AGBL4: variants seen among roughly 807,000 people sequenced by gnomAD.
The protein encoded by AGBL4 is cytosolic carboxypeptidase 6.
In AGBL4, 58 loss-of-function variants were observed where a neutral mutation model predicts 66.4. That is an observed-to-expected ratio of 0.87 (90% confidence interval 0.71 to 1.09). The LOEUF is 1.09. Ranked by LOEUF, AGBL4 falls within the 50% of genes least tolerant of loss-of-function variation. AGBL4 has a pLI of 0.00. For synonymous variants in AGBL4, 234 were observed against 222.9 expected (o/e 1.05, Z -0.44); for missense variants, 579 against 631.0 (o/e 0.92, Z 0.88).
At chr1:48,597,416 T>G (rs886926556) in intron 9 of AGBL4, among the ~76,000 whole-genome samples, 3 of 152,024 alleles carry the variant, frequency 2.0e-5, no homozygotes, top group African/African-American at 7.3e-5. Flanking sequence ...TGAAACATGC[T>G]AGAAATGCAC....
intron 4 of AGBL4, among the ~76,000 whole-genome samples, chr1:49,152,172 G>A (rs1412724405): frequency 6.6e-6 from 1 of 152,146 alleles, no homozygotes; most frequent in Non-Finnish European, 1.5e-5. Context: ...GCTGTAGACA[G>A]CACCATGTCT....
At chr1:49,080,461 G>C (rs549623148) in intron 4 of AGBL4, among the ~76,000 whole-genome samples, 1 of 152,270 alleles carries the variant, frequency 6.6e-6, no homozygotes, top group South Asian at 2.1e-4. Context: ...CTGATCCCCA[G>C]TGAGGGAAAT....
chr1:49,587,089 C>T (rs769765923), intron 3 of AGBL4, among the ~76,000 whole-genome samples: 1 of 151,802 alleles, frequency 6.6e-6, no homozygotes, highest in Non-Finnish European at 1.5e-5. Context: ...GATAAAAATA[C>T]AAAAAAATTA....
chr1:48,980,718 AATATATAT>A (rs544711494), intron 5 of AGBL4, among the ~76,000 whole-genome samples: 36 of 92,292 alleles, frequency 3.9e-4, no homozygotes, highest in African/African-American at 7.4e-4. Flanking sequence ...GTAAAGAAGA[AATATATAT>A]ATATATATAT....
At chr1:49,721,664 G>A (rs1648621885) in intron 2 of AGBL4, among the ~76,000 whole-genome samples, 1 of 152,106 alleles carries the variant, frequency 6.6e-6, no homozygotes, top group Non-Finnish European at 1.5e-5. Flanking sequence ...TAAAAAGCTT[G>A]AAATAGGAGC....
chr1:49,579,651 C>T (rs184007652), intron 3 of AGBL4, among the ~76,000 whole-genome samples: 10 of 152,224 alleles, frequency 6.6e-5, no homozygotes, highest in Admixed American at 6.5e-4. Flanking sequence ...AGGCGCCTGT[C>T]ACCGTGCCCA....
chr1:49,652,739 C>A (rs1304117815), intron 3 of AGBL4, among the ~76,000 whole-genome samples: 1 of 152,140 alleles, frequency 6.6e-6, no homozygotes, highest in Admixed American at 6.5e-5. Context: ...ACAGCGGGAC[C>A]CAGATCCACT....
At chr1:48,687,042 G>A in intron 6 of AGBL4, among the ~76,000 whole-genome samples, 1 of 151,142 alleles carries the variant, frequency 6.6e-6, no homozygotes, top group Admixed American at 6.6e-5. Context: ...TAGGGAGGGG[G>A]GACCAACACA....
In AGBL4 at chr1:49,896,532, G is replaced by A. The variant is rs184394105; in HGVS notation, c.35-45014C>T. ...CACAAACTATTCTGAAAAAATAGACGAGGAGAGAATACTTCTAAACTTATT... is the reference window on the plus strand; with the variant it reads ...CACAAACTATTCTGAAAAAATAGACAAGGAGAGAATACTTCTAAACTTATT... On this transcript the variant is annotated intron_variant, in intron 1 of 13. Transcript: ENST00000371839. Among the ~76,000 whole-genome samples, 442 of 150,962 alleles carry A rather than the reference G, an allele frequency of 2.9e-3. 7 individuals are homozygous for A. Among genetic ancestry groups the A allele is most frequent in the Admixed American group, 0.023 (343 of 15,090 alleles).
chr1:49,339,193 C>G (rs570851646), intron 3 of AGBL4, among the ~76,000 whole-genome samples: 3 of 152,208 alleles, frequency 2.0e-5, no homozygotes, highest in East Asian at 1.9e-4. Context: ...AACTGGCAAG[C>G]AAAGGCGAGC....
At chr1:49,302,024 AT>A (rs1411821408) in intron 3 of AGBL4, among the ~76,000 whole-genome samples, 4 of 151,938 alleles carry the variant, frequency 2.6e-5, no homozygotes, top group Non-Finnish European at 5.9e-5. Context: ...TGTCTTAGTG[AT>A]TGGTTTTTTC....
At chr1:48,962,891 A>G (rs1658113106) in intron 5 of AGBL4, among the ~76,000 whole-genome samples, 1 of 151,916 alleles carries the variant, frequency 6.6e-6, no homozygotes, top group Non-Finnish European at 1.5e-5. Context: ...TCTCTTGTAA[A>G]GTGGAGATAA....
At chr1:49,582,073 C>T (rs1209344971) in intron 3 of AGBL4, among the ~76,000 whole-genome samples, 2 of 152,140 alleles carry the variant, frequency 1.3e-5, no homozygotes, top group East Asian at 3.9e-4. Context: ...TCATGCTTGA[C>T]TTTTGTTCCC....
chr1:49,810,081 T>C lies in AGBL4; in HGVS notation c.157+41315A>G, dbSNP rs530404563. ...TTTGTTCCAGATGCTTTACATATCA[T>C]ACAAAATTGATCTTTACCACTTTCC... On this transcript the variant is annotated intron_variant, in intron 2 of 13. Transcript: ENST00000371839. Among the ~76,000 whole-genome samples, 5 of 152,286 alleles carry C rather than the reference T, an allele frequency of 3.3e-5. No homozygotes were observed. In the South Asian group the frequency reaches 1.0e-3, roughly 32 times the overall value.
intron 3 of AGBL4, among the ~76,000 whole-genome samples, chr1:49,603,526 A>AT (rs1645002222): frequency 3.7e-5 from 4 of 109,192 alleles, no homozygotes; most frequent in Admixed American, 3.1e-4. Flanking sequence ...CTCCATCTCA[A>AT]AAAATAAATA....
chr1:48,884,632 T>A (rs767325068), intron 5 of AGBL4, among the ~76,000 whole-genome samples: 6 of 152,174 alleles, frequency 3.9e-5, no homozygotes, highest in Non-Finnish European at 8.8e-5. Flanking sequence ...TTTACACAGA[T>A]GTGTCTGTGG....
chr1:49,094,386 T>C (rs1645054184), intron 4 of AGBL4, among the ~76,000 whole-genome samples: 1 of 149,056 alleles, frequency 6.7e-6, no homozygotes, highest in East Asian at 1.9e-4. Context: ...ACAAGGGTTC[T>C]TTTAAGAGTG....
chr1:50,012,016 G>A (rs985780026), intron 1 of AGBL4, among the ~76,000 whole-genome samples: 12 of 151,980 alleles, frequency 7.9e-5, no homozygotes, highest in Non-Finnish European at 1.5e-4. Context: ...AAAATTAGCC[G>A]GGCGCGGTGG....
chr1:49,988,848 G>T (rs1206041810), intron 1 of AGBL4, among the ~76,000 whole-genome samples: 4 of 152,138 alleles, frequency 2.6e-5, no homozygotes, highest in African/African-American at 9.7e-5. Flanking sequence ...ATTAATATTA[G>T]AACCAGACTA....
Sources: allele counts gnomAD v4.1 joint callset (sites outside exome capture counted in the v4.1 genomes callset), GRCh38; gene constraint gnomAD v4.1.1; transcripts MANE v1.5; gene names NCBI Gene and HGNC (gene_info 2026-07-23, HGNC 2026-07-21).